The following GPC1 variants were observed in gnomAD, a reference collection of about 807,000 sequenced individuals.
GPC1 encodes the protein glypican-1.
A neutral mutation model predicts 51.5 loss-of-function variants in GPC1; 26 were observed. That is an observed-to-expected ratio of 0.50 (90% confidence interval 0.37 to 0.70). The LOEUF (loss-of-function observed/expected upper bound fraction) is 0.70. Ranked by LOEUF, GPC1 falls within the 30% of genes least tolerant of loss-of-function variation. GPC1 has a pLI of 0.00. For missense variants in GPC1, 775 were observed against 800.5 expected (o/e 0.97, Z 0.38); for synonymous variants, 380 against 348.3 (o/e 1.09, Z -1.01).
At chr2:240,437,923 G>A (rs2073994160) in intron 1 of GPC1, among the ~76,000 whole-genome samples, 1 of 152,260 alleles carries the variant, frequency 6.6e-6, no homozygotes, top group African/African-American at 2.4e-5. Context: ...AGGGTGAGAA[G>A]AGAGGGCAGG....
chr2:240,462,437 G>T lies in GPC1; in HGVS notation c.572G>T (p.Cys191Phe). 6.2e-7 allele frequency: 1 copy of T among 1,606,010 alleles called. No individual in the cohort carries two copies. Among genetic ancestry groups the T allele is most frequent in the Non-Finnish European group, 8.5e-7 (1 of 1,176,930 alleles). ...QLLLPDDYLDCLGKQAEALRP... is the reference protein window; with the variant it reads ...QLLLPDDYLDFLGKQAEALRP... ...CTGCTGCCTGATGACTACCTGGACT[G>T]CCTGGGCAAGCAGGCCGAGGCGCTG... The change falls in exon 3 of 9, where the codon TGC becomes TTC. Residue 191 changes from cysteine to phenylalanine, a missense_variant. Physicochemically the swap from Cys to Phe is radical, Grantham distance 205 (BLOSUM62 -2). Transcript: ENST00000264039.
chr2:240,465,999 G>A, intron 8 of GPC1, 59 bp from the exon 9 acceptor site: 1 of 1,042,832 alleles, frequency 9.6e-7, no homozygotes, highest in East Asian at 2.5e-5. Context: ...CTTACAGGGT[G>A]GTGCTGCACT....
rs745498714 is a variant in GPC1, at chr2:240,462,587, G to A, written c.717+5G>A. The stretch of plus-strand genomic sequence containing the variant: ...GTGGTCCGGAAAGTGGCTCAGGTGC[G>A]CACAGCCACCCAGGGCTCTCAGAAA... On this transcript the variant is annotated splice_donor_5th_base_variant and intron_variant, in intron 3 of 8. Coordinates refer to ENST00000264039, the MANE Select transcript of GPC1 (RefSeq NM_002081.3). 1.7e-5 allele frequency: 25 copies of A among 1,513,918 alleles called. No individual in the cohort carries two copies. The Admixed American group carries it at 1.7e-4, about 10-fold the overall frequency. 93.8% of individuals were successfully genotyped at this position (1,513,918 alleles called of 1,614,324 possible). A position where few individuals can be genotyped will look rare whatever the true frequency, so the allele number is the denominator to read the frequency against.
chr2:240,464,775 GC>G, intron 5 of GPC1, 29 bp downstream of exon 5: 1 of 1,587,900 alleles, frequency 6.3e-7, no homozygotes, highest in Non-Finnish European at 8.6e-7. Flanking sequence ...GACGAGCACA[GC>G]GGGGTGGGGG....
chr2:240,465,718 C>T (rs1033228079), intron 8 of GPC1, 70 bp downstream of exon 8: 39 of 1,334,782 alleles, frequency 2.9e-5, no homozygotes, highest in Non-Finnish European at 3.9e-5. Context: ...GTGTGACTGC[C>T]CTCCGGGTTC....
intron 2 of GPC1, among the ~76,000 whole-genome samples, chr2:240,461,567 A>C (rs926157698): frequency 6.6e-6 from 1 of 152,056 alleles, no homozygotes; most frequent in Non-Finnish European, 1.5e-5. Flanking sequence ...CCAGCAGGGG[A>C]GATGTCTGGG....
intron 1 of GPC1, chr2:240,458,393 A>G (rs2074187901): frequency 4.3e-6 from 1 of 231,368 alleles, no homozygotes; most frequent in Non-Finnish European, 9.1e-6. Context: ...AGGGGACTCC[A>G]CAAGGACACC....
In GPC1 at chr2:240,445,093, C is replaced by T. The variant is rs376548533; in HGVS notation, c.166+9009C>T. ...GTAATCCAGCCCCACTGTTCCTGAA[C>T]GCGATGCCCCCTCCCCGAGCCTGGC... On this transcript the variant is annotated intron_variant, in intron 1 of 8. Coordinates refer to ENST00000264039, the MANE Select transcript of GPC1 (RefSeq NM_002081.3). Among the ~76,000 whole-genome samples, 89 of 152,288 alleles carry T rather than the reference C, an allele frequency of 5.8e-4. No individual in the cohort carries two copies. In the East Asian group the frequency reaches 6.2e-3, roughly 11 times the overall value.
In GPC1 at chr2:240,464,897, C is replaced by T. The variant is rs753866148; in HGVS notation, c.1056C>T (p.Gly352=). 4 of 1,553,106 alleles carry T rather than the reference C, an allele frequency of 2.6e-6. No individual in the cohort carries two copies. The East Asian group carries it at 7.2e-5, about 28-fold the overall frequency. The change falls in exon 6 of 9, where the codon GGC becomes GGT. Residue 352 remains glycine, a synonymous_variant. Transcript: ENST00000264039. ...GCGNPKVNPQ[G]PGPEEKRRRG... ...GGAACCCCAAGGTCAACCCCCAGGG[C>T]CCCGGGCCTGAGGAGAAGCGGCGCC...
At chr2:240,444,993 C>T (rs992903371) in intron 1 of GPC1, among the ~76,000 whole-genome samples, 1 of 152,228 alleles carries the variant, frequency 6.6e-6, no homozygotes, top group Admixed American at 6.5e-5. Context: ...CAGGCGTTTA[C>T]ATGCATCTCC....
intron 2 of GPC1, among the ~76,000 whole-genome samples, chr2:240,461,797 G>C (rs908585389): frequency 1.3e-5 from 2 of 152,060 alleles, no homozygotes; most frequent in African/African-American, 2.4e-5. Context: ...CGGCTGGCAG[G>C]GGGGCACAGA....
chr2:240,454,057 T>G (rs1479366543), intron 1 of GPC1, among the ~76,000 whole-genome samples: 1 of 98,498 alleles, frequency 1.0e-5, no homozygotes, highest in Non-Finnish European at 2.1e-5. Flanking sequence ...TTGGGTGAAA[T>G]GGTGGCGGGG....
chr2:240,463,898 C>G (rs1373079557), intron 4 of GPC1: 1 of 276,474 alleles, frequency 3.6e-6, no homozygotes, highest in Non-Finnish European at 6.9e-6. Context: ...TGCTCACTTG[C>G]TGACACACAG....
intron 1 of GPC1, chr2:240,450,173 G>A (rs1156264902): frequency 5.9e-6 from 2 of 337,078 alleles, no homozygotes; most frequent in African/African-American, 2.2e-5. Flanking sequence ...GGCAGGGCTG[G>A]GCAGAAGCTC....
At chr2:240,436,480 C>T (rs1436034509) in intron 1 of GPC1, among the ~76,000 whole-genome samples, 2 of 152,110 alleles carry the variant, frequency 1.3e-5, no homozygotes, top group East Asian at 1.9e-4. Context: ...AGCCCCGGGG[C>T]CGGCTGTCGG....
intron 1 of GPC1, among the ~76,000 whole-genome samples, chr2:240,439,097 A>G (rs1488068631): frequency 1.3e-5 from 2 of 152,132 alleles, no homozygotes; most frequent in African/African-American, 4.8e-5. Context: ...GTCTGATGTG[A>G]TGTGATGTGT....
At chr2:240,465,669 G>A (rs774058168) in intron 8 of GPC1, 21 bp downstream of exon 8, 2 of 1,608,262 alleles carry the variant, frequency 1.2e-6, no homozygotes, top group South Asian at 2.2e-5. Flanking sequence ...GGCCTGGCCG[G>A]GCGGCCAAGG....
chr2:240,445,303 G>C (rs537476744), intron 1 of GPC1, among the ~76,000 whole-genome samples: 39 of 152,304 alleles, frequency 2.6e-4, no homozygotes, highest in Admixed American at 4.6e-4. Context: ...CTGGGATAGG[G>C]TGGCTCCCAA....
chr2:240,454,610 CCTACT>C (rs2074138963), intron 1 of GPC1, among the ~76,000 whole-genome samples: 1 of 152,238 alleles, frequency 6.6e-6, no homozygotes, highest in South Asian at 2.1e-4. Flanking sequence ...TGCACACAGC[CCTACT>C]CCAGCACCGT....
Sources: gnomAD v4.1 joint callset for allele counts (sites outside exome capture counted in the v4.1 genomes callset) on GRCh38, gnomAD v4.1.1 for gene constraint, MANE v1.5 for transcripts, NCBI Gene and HGNC (gene_info 2026-07-23, HGNC 2026-07-21) for gene names.